Variants in FMN2 observed in about 807,000 individuals in gnomAD.
The protein encoded by FMN2 is formin 2.
FMN2 carries 51 observed loss-of-function variants against 142.3 expected under a neutral mutation model. The ratio of observed to expected loss-of-function variants is 0.36; its 90% confidence interval spans 0.29 to 0.45. The LOEUF is 0.45. Ranked by LOEUF, FMN2 falls within the 20% of genes least tolerant of loss-of-function variation. The probability of loss-of-function intolerance (pLI) is 1.00; values close to 1 mark genes in which losing one functional copy is unlikely to be tolerated. For synonymous variants in FMN2, 882 were observed against 869.8 expected (o/e 1.01, Z -0.25); for missense variants, 1,936 against 2,122.8 (o/e 0.91, Z 1.73).
At chr1:240,423,779 C>G (rs1300713343) in intron 15 of FMN2, among the ~76,000 whole-genome samples, 1 of 152,206 alleles carries the variant, frequency 6.6e-6, no homozygotes, top group Non-Finnish European at 1.5e-5. Flanking sequence ...TCACGAGTCC[C>G]TTCATGTCTA....
chr1:240,232,469 T>G (rs1478299670), intron 6 of FMN2, among the ~76,000 whole-genome samples: 1 of 152,142 alleles, frequency 6.6e-6, no homozygotes, highest in Non-Finnish European at 1.5e-5. Flanking sequence ...CACGTATACT[T>G]TAACAAATCC....
Position 240,096,583 on chromosome 1 carries a change from T to C in FMN2, c.1615+2859T>C, listed in dbSNP as rs556418217. ...GGCTTGGGGAACACTGGCATTGTCCTTAGGGAAATTTCTTTTTGGCCTTAA... is the reference window on the plus strand; with the variant it reads ...GGCTTGGGGAACACTGGCATTGTCCCTAGGGAAATTTCTTTTTGGCCTTAA... On this transcript the variant is annotated intron_variant, in intron 1 of 17. Coordinates refer to ENST00000319653, the MANE Select transcript of FMN2 (RefSeq NM_020066.5). Among the ~76,000 whole-genome samples the C allele has an allele frequency of 8.5e-5, 13 of 152,356 alleles. 1 individual carries two copies. The South Asian group carries it at 2.5e-3, about 29-fold the overall frequency.
chr1:240,287,408 A>T (rs1669626596), intron 7 of FMN2, among the ~76,000 whole-genome samples: 1 of 152,192 alleles, frequency 6.6e-6, no homozygotes, highest in South Asian at 2.1e-4. Flanking sequence ...GCTTTCTTCA[A>T]GCCCTTATAC....
chr1:240,291,650 T>C (rs1333707608), intron 7 of FMN2, among the ~76,000 whole-genome samples: 1 of 152,236 alleles, frequency 6.6e-6, no homozygotes, highest in Non-Finnish European at 1.5e-5. Flanking sequence ...GCCCAGGTAG[T>C]TCTGTACCAG....
At chr1:240,127,728 C>T (rs1195133020) in intron 2 of FMN2, among the ~76,000 whole-genome samples, 1 of 152,164 alleles carries the variant, frequency 6.6e-6, no homozygotes, top group Admixed American at 6.5e-5. Flanking sequence ...AGTCCTCCTG[C>T]CTTGGCCTCC....
chr1:240,435,995 A>G (rs765047103), intron 15 of FMN2, among the ~76,000 whole-genome samples: 2 of 152,216 alleles, frequency 1.3e-5, no homozygotes, highest in Non-Finnish European at 2.9e-5. Context: ...TTAGGTATAT[A>G]AGGAAAATGA....
At chr1:240,149,130 T>G (rs1320392584) in intron 2 of FMN2, among the ~76,000 whole-genome samples, 1 of 152,200 alleles carries the variant, frequency 6.6e-6, no homozygotes, top group East Asian at 1.9e-4. Flanking sequence ...TGTAAAACAT[T>G]GAACCTGCAG....
Position 240,208,723 on chromosome 1 carries a change from A to G in FMN2, c.3911A>G (p.His1304Arg). 1 of 1,608,730 alleles carries G rather than the reference A, an allele frequency of 6.2e-7. No individual in the cohort carries two copies. The highest frequency in any genetic ancestry group is 8.5e-7 in the Non-Finnish European group (1 of 1,175,948). Reference protein sequence around the residue: ...KPLYWTRIQLHSKRDSSTSLI... With the variant: ...KPLYWTRIQLRSKRDSSTSLI... ...CTTTACTGGACCAGGATTCAACTAC[A>G]TAGTAAAAGGTAACATGAAAGTGAG... is the stretch of plus-strand genomic sequence containing the variant. The change falls in exon 5 of 18, where the codon CAT (histidine) becomes CGT (arginine). Residue 1304 changes from histidine (H) to arginine (R), a missense_variant. Physicochemically the swap from His to Arg is conservative, Grantham distance 29 (BLOSUM62 0). Coordinates refer to ENST00000319653, the MANE Select transcript of FMN2 (RefSeq NM_020066.5).
intron 6 of FMN2, among the ~76,000 whole-genome samples, chr1:240,247,370 C>G (rs529012097): frequency 6.6e-6 from 1 of 151,934 alleles, no homozygotes; most frequent in Non-Finnish European, 1.5e-5. Context: ...GGCATGGTCC[C>G]GCATGCCTGT....
At chr1:240,361,787 T>C (rs1354162030) in intron 14 of FMN2, among the ~76,000 whole-genome samples, 4 of 152,218 alleles carry the variant, frequency 2.6e-5, no homozygotes, top group Non-Finnish European at 4.4e-5. Flanking sequence ...AGCAAGGTGA[T>C]TCTTGCATGG....
intron 7 of FMN2, among the ~76,000 whole-genome samples, chr1:240,284,560 A>G (rs1669523408): frequency 6.6e-6 from 1 of 152,178 alleles, no homozygotes; most frequent in Non-Finnish European, 1.5e-5. Flanking sequence ...CATCTACACA[A>G]CTTTTCCTCA....
At chr1:240,412,536 G>T (rs1007319548) in intron 15 of FMN2, among the ~76,000 whole-genome samples, 2 of 152,118 alleles carry the variant, frequency 1.3e-5, no homozygotes, top group African/African-American at 4.8e-5. Flanking sequence ...GCCTTGTAGG[G>T]TAGACAATTA....
chr1:240,182,258 T>G (rs1209843050), intron 3 of FMN2, among the ~76,000 whole-genome samples: 1 of 152,166 alleles, frequency 6.6e-6, no homozygotes, highest in East Asian at 1.9e-4. Context: ...AGGAGCAAGG[T>G]GTGTAGATGT....
At position 240,207,501 on chromosome 1, in the gene FMN2, C is replaced by T. The variant is rs1273780493; in HGVS notation, c.2689C>T (p.Pro897Ser). The T allele has an allele frequency of 6.2e-7, 1 of 1,613,388 alleles. No homozygotes were observed. The highest frequency in any genetic ancestry group is 1.7e-5 in the Admixed American group (1 of 59,940). ...TVPTLPSTAI[P>S]QPPPLQGTEM... Reference sequence around the variant, plus strand: ...GCCTACTCTGCCCAGTACAGCCATTCCCCAACCTCCTCCTCTGCAGGGTAC... The same window carrying T: ...GCCTACTCTGCCCAGTACAGCCATTTCCCAACCTCCTCCTCTGCAGGGTAC... Residue 897 changes from proline to serine, a missense_variant, in exon 5 of 18, where the codon CCC (proline) becomes TCC (serine). This residue lies in a region of FMN2 where 478 missense variants were observed against 462.8 expected (regional missense o/e 1.03). Transcript: ENST00000319653.
intron 14 of FMN2, among the ~76,000 whole-genome samples, chr1:240,359,074 G>C (rs4659967): frequency 0.6 from 91,441 of 151,950 alleles, 29,553 homozygotes; most frequent in African/African-American, 0.86. Context: ...GCAGTGAGCC[G>C]AGATTGTGCC....
At chr1:240,327,867 C>T (rs901204950) in intron 8 of FMN2, among the ~76,000 whole-genome samples, 1 of 151,890 alleles carries the variant, frequency 6.6e-6, no homozygotes, top group Non-Finnish European at 1.5e-5. Context: ...AAAATCCAGG[C>T]CAGGCGCAGT....
At chr1:240,385,326 A>G (rs1287511817) in intron 14 of FMN2, among the ~76,000 whole-genome samples, 11 of 152,102 alleles carry the variant, frequency 7.2e-5, no homozygotes, top group Admixed American at 7.2e-4. Context: ...TATCCGAAGG[A>G]TTTTTATTTA....
chr1:240,382,975 C>G (rs984723533), intron 14 of FMN2, among the ~76,000 whole-genome samples: 16 of 151,916 alleles, frequency 1.1e-4, no homozygotes, highest in African/African-American at 3.9e-4. Flanking sequence ...TACAACCAAC[C>G]AATCTTAAAC....
At chr1:240,256,726 G>T (rs968596410) in intron 6 of FMN2, among the ~76,000 whole-genome samples, 2 of 152,094 alleles carry the variant, frequency 1.3e-5, no homozygotes, top group Non-Finnish European at 2.9e-5. Flanking sequence ...ACTCCTTCCT[G>T]GGTGACAGAG....
Sources: allele counts gnomAD v4.1 joint callset (sites outside exome capture counted in the v4.1 genomes callset), GRCh38; gene constraint gnomAD v4.1.1; regional missense constraint gnomAD v4.1.1; transcripts MANE v1.5; gene names NCBI Gene and HGNC (gene_info 2026-07-23, HGNC 2026-07-21).